NIN: variants seen among roughly 807,000 people sequenced by gnomAD.
NIN encodes the protein ninein, also known as glycogen synthase kinase 3 beta-interacting protein.
In NIN, 137 loss-of-function variants were observed where a neutral mutation model predicts 257.6. The ratio of observed to expected loss-of-function variants is 0.53; its 90% CI spans 0.46 to 0.61. The LOEUF (loss-of-function observed/expected upper bound fraction) is 0.61. NIN is among the 20% of genes least tolerant of loss of function. The pLI is 0.00. For missense variants in NIN, 2,439 were observed against 2,501.2 expected, an observed-to-expected ratio of 0.98 and a Z score of 0.53; for synonymous variants, 918 against 919.8, an observed-to-expected ratio of 1.00 and a Z score of 0.04.
intron 4 of NIN, chr14:50,806,348 C>T (rs1319274521): frequency 1.3e-5 from 2 of 157,076 alleles, no homozygotes; most frequent in African/African-American, 4.8e-5. Context: ...CCACTCACTA[C>T]GACTAAGTAA....
chr14:50,777,813 TCAC>T (rs2042978492), intron 6 of NIN, among the ~76,000 whole-genome samples: 1 of 152,362 alleles, frequency 6.6e-6, no homozygotes, highest in Admixed American at 6.5e-5. Context: ...TTAAAAGCCC[TCAC>T]TTCTAAATTT....
intron 3 of NIN, among the ~76,000 whole-genome samples, chr14:50,819,108 C>T (rs1361519201): frequency 6.6e-6 from 1 of 152,068 alleles, no homozygotes; most frequent in Admixed American, 6.5e-5. Flanking sequence ...CCTAAGTCAA[C>T]ATAGAGGAAG....
chr14:50,776,839 G>A, intron 7 of NIN, 110 bp downstream of exon 7: 1 of 997,534 alleles, frequency 1.0e-6, no homozygotes. Context: ...TAGGAAAAAA[G>A]AAAATGGAGC....
chr14:50,741,873 G>A, intron 24 of NIN, 145 bp from the exon 25 acceptor site: 1 of 751,986 alleles, frequency 1.3e-6, no homozygotes, highest in East Asian at 2.5e-5. Context: ...GTAGCTCAGT[G>A]GAAACCTAGG....
At chr14:50,765,602 C>CAAAG (rs1040181168) in intron 14 of NIN, among the ~76,000 whole-genome samples, 4 of 151,590 alleles carry the variant, frequency 2.6e-5, no homozygotes, top group African/African-American at 9.7e-5. Flanking sequence ...TTTTTAAAAT[C>CAAAG]AAAGATTCTT....
At chr14:50,804,294 GAC>G (rs958157153) in intron 4 of NIN, among the ~76,000 whole-genome samples, 4 of 151,914 alleles carry the variant, frequency 2.6e-5, no homozygotes, top group Non-Finnish European at 5.9e-5. Flanking sequence ...ATTGGCAAAA[GAC>G]AGAAAAAGCA....
chr14:50,757,253 A>G lies in NIN; in HGVS notation c.3777T>C (p.Asn1259=), dbSNP rs2042070228. 1 of 1,613,836 alleles carries G rather than the reference A, an allele frequency of 6.2e-7. No homozygotes were observed. The highest frequency in any genetic ancestry group is 1.7e-5 in the Admixed American group (1 of 59,978). Residue 1259 remains asparagine (N), a synonymous_variant, in exon 18 of 31, where the codon AAT becomes AAC. Coordinates refer to ENST00000530997, the MANE Select transcript of NIN (RefSeq NM_020921.4). Reference sequence around the variant, plus strand: ...TTCTCAGCTCTTCCTGAAGGCAGTCATTTTCTCGGCTCACATCTTCATACA... The same window carrying G: ...TTCTCAGCTCTTCCTGAAGGCAGTCGTTTTCTCGGCTCACATCTTCATACA... ...KLLYEDVSRE[N]DCLQEELRMM...
chr14:50,748,077 G>A lies in NIN; in HGVS notation c.4979C>T (p.Ala1660Val), dbSNP rs201587373. The change falls in exon 22 of 31, where the codon GCG becomes GTG. Residue 1660 changes from alanine to valine, a missense_variant. Around this residue, in one of 3 missense-constraint regions of NIN, gnomAD observed 2,043 missense variants for 2,050.2 expected, o/e 1.00. Coordinates refer to ENST00000530997, the MANE Select transcript of NIN (RefSeq NM_020921.4). ...QSSTLVSSLEAELSEVKIQTH... is the reference protein window; with the variant it reads ...QSSTLVSSLEVELSEVKIQTH... Reference sequence around the variant, plus strand: ...CTGTATTTTAACTTCAGAGAGCTCCGCCTCCAGAGAAGACACTAAAGTGGA... The same window carrying A: ...CTGTATTTTAACTTCAGAGAGCTCCACCTCCAGAGAAGACACTAAAGTGGA... 29 of 1,613,392 alleles carry A rather than the reference G, an allele frequency of 1.8e-5. No individual in the cohort carries two copies. The highest frequency in any genetic ancestry group is 2.7e-5 in the African/African-American group (2 of 75,004).
At position 50,772,476 on chromosome 14, in the gene NIN, GA is replaced by G. The variant is rs1314637378; in HGVS notation, c.814-9del. ...TCCACTCTCATCGAAAGACTGGAAG[GA>G]GGAAGAGACTTGAGTAAGCCTAGCT... On this transcript the variant is annotated splice_polypyrimidine_tract_variant and intron_variant, in intron 8 of 30. Coordinates refer to ENST00000530997, the MANE Select transcript of NIN (RefSeq NM_020921.4). The G allele has an allele frequency of 2.5e-6, 4 of 1,613,706 alleles. No individual in the cohort carries two copies. In the East Asian group the frequency reaches 8.9e-5, roughly 36 times the overall value.
intron 26 of NIN, 71 bp from the exon 27 acceptor site, chr14:50,738,357 G>A: frequency 2.1e-6 from 3 of 1,406,688 alleles, no homozygotes; most frequent in East Asian, 4.6e-5. Context: ...ACAAACATAG[G>A]GAAAGTTTTA....
In NIN at chr14:50,773,127, T is replaced by G. The variant is rs1273278126; in HGVS notation, c.667-32A>C. ...AAGAGTCATCACATATTTTAAATAC[T>G]CCATTCAAGTATACAAGGCCCAAAG... On this transcript the variant is annotated intron_variant, in intron 7 of 30. Coordinates refer to ENST00000530997, the MANE Select transcript of NIN (RefSeq NM_020921.4). 2.5e-6 allele frequency: 4 copies of G among 1,587,160 alleles called. No homozygotes were observed. In the Admixed American group the frequency reaches 5.1e-5, roughly 20 times the overall value.
In NIN at chr14:50,773,055, G is replaced by C; in HGVS notation, c.707C>G (p.Thr236Arg). The C allele has an allele frequency of 6.2e-7, 1 of 1,612,676 alleles. No individual in the cohort carries two copies. Among genetic ancestry groups the C allele is most frequent in the Non-Finnish European group, 8.5e-7 (1 of 1,178,950 alleles). Reference sequence around the variant, plus strand: ...ATAGAAAAAATCTTCTACACTCATTGTACCGTCAGGATCAAGATTATGGAA... The same window carrying C: ...ATAGAAAAAATCTTCTACACTCATTCTACCGTCAGGATCAAGATTATGGAA... ...EVFHNLDPDG[T>R]MSVEDFFYGL... The change falls in exon 8 of 31, where the codon ACA becomes AGA. Residue 236 changes from threonine to arginine, a missense_variant. By Grantham distance (71) the Thr-to-Arg change is moderately conservative. Transcript: ENST00000530997.
At chr14:50,816,247 T>C (rs185326295) in intron 3 of NIN, among the ~76,000 whole-genome samples, 2 of 152,138 alleles carry the variant, frequency 1.3e-5, no homozygotes, top group Admixed American at 6.5e-5. Context: ...GAAAAATTGC[T>C]AATGGATGCC....
chr14:50,811,544 C>CTTTTTTTTTTTTTTTTTTTTTT, intron 3 of NIN, among the ~76,000 whole-genome samples: 1 of 75,276 alleles, frequency 1.3e-5, no homozygotes, highest in Non-Finnish European at 2.4e-5. Flanking sequence ...AATGGTCAAG[C>CTTTTTTTTTTTTTTTTTTTTTT]TTTTTTTTTT....
At chr14:50,772,549 G>A (rs2042777765) in intron 8 of NIN, 81 bp from the exon 9 acceptor site, 4 of 1,229,796 alleles carry the variant, frequency 3.3e-6, no homozygotes, top group Non-Finnish European at 4.7e-6. Flanking sequence ...TGACCACGAT[G>A]GGTAGAAGGC....
At position 50,772,457 on chromosome 14, in the gene NIN, C is replaced by T; in HGVS notation, c.825G>A (p.Glu275=). The change falls in exon 9 of 31, where the codon GAG becomes GAA. Residue 275 remains glutamate, a synonymous_variant. Transcript: ENST00000530997. ...ATGAGGTTGTGGTACGTCGTCCACT[C>T]TCATCGAAAGACTGGAAGGAGGAAG... is the stretch of plus-strand genomic sequence containing the variant. ...KRHLSMQSFD[E]SGRRTTTSSA... The T allele has an allele frequency of 1.2e-6, 2 of 1,614,140 alleles. No homozygotes were observed. The highest frequency in any genetic ancestry group is 2.2e-5 in the East Asian group (1 of 44,878).
In NIN at chr14:50,726,012, G is replaced by C. The variant is rs749856263; in HGVS notation, c.6133C>G (p.Gln2045Glu). The C allele has an allele frequency of 6.2e-7, 1 of 1,614,036 alleles. No homozygotes were observed. Among genetic ancestry groups the C allele is most frequent in the Non-Finnish European group, 8.5e-7 (1 of 1,179,940 alleles). The change falls in exon 30 of 31, where the codon CAG becomes GAG. Residue 2045 changes from glutamine to glutamate, a missense_variant. Around this residue, in one of 3 missense-constraint regions of NIN, gnomAD observed 2,043 missense variants for 2,050.2 expected, o/e 1.00. Transcript: ENST00000530997. ...VMEERMIEVE[Q>E]KLKLVKRLLQ... is the part of the protein sequence containing the mutation. ...AGCCTTTTCACTAGTTTCAGTTTCT[G>C]TTCAACTTCTATCATTCGTTCCTCC...
chr14:50,795,590 G>C (rs1169057743), intron 4 of NIN, among the ~76,000 whole-genome samples: 2 of 152,108 alleles, frequency 1.3e-5, no homozygotes, highest in Admixed American at 6.5e-5. Context: ...TGCAACCCTG[G>C]GGCTACGTTT....
At position 50,743,410 on chromosome 14, in the gene NIN, A is replaced by T; in HGVS notation, c.5301+6T>A. ...CGTGAAGATGAAACAAGAATTGTCC[A>T]TGTACCTTTTCCTGAGAAGCCACCA... On this transcript the variant is annotated splice_donor_region_variant and intron_variant, in intron 24 of 30. Transcript: ENST00000530997. 1 of 1,555,430 alleles carries T rather than the reference A, an allele frequency of 6.4e-7. No homozygotes were observed. Among genetic ancestry groups the T allele is most frequent in the Non-Finnish European group, 8.9e-7 (1 of 1,126,400 alleles).
Sources: gnomAD v4.1 joint callset for allele counts (sites outside exome capture counted in the v4.1 genomes callset) on GRCh38, gnomAD v4.1.1 for gene constraint, gnomAD v4.1.1 regional missense constraint, MANE v1.5 for transcripts, NCBI Gene and HGNC (gene_info 2026-07-23, HGNC 2026-07-21) for gene names.